Variants in DDX19A observed in about 807,000 individuals in gnomAD.
The protein encoded by DDX19A is ATP-dependent RNA helicase DDX19A.
Under a neutral mutation model 60.6 loss-of-function variants are expected in DDX19A, and 12 were observed. That is an observed-to-expected ratio of 0.20 (90% CI 0.13 to 0.32). DDX19A has a LOEUF of 0.32. DDX19A is among the 10% of genes least tolerant of loss of function. The pLI is 1.00. For missense variants in DDX19A, 337 were observed against 600.6 expected (o/e 0.56, Z 4.59); for synonymous variants, 206 against 218.2 (o/e 0.94, Z 0.49).
At chr16:70,370,097 C>T in intron 9 of DDX19A, 126 bp from the exon 10 acceptor site, 2 of 1,347,614 alleles carry the variant, frequency 1.5e-6, no homozygotes, top group Non-Finnish European at 2.0e-6. Context: ...TTTGGGAAGC[C>T]AAGGCAGGAT....
chr16:70,348,127 G>A (rs1038441371), intron 1 of DDX19A: 2 of 275,898 alleles, frequency 7.2e-6, no homozygotes, highest in Non-Finnish European at 1.5e-5. Context: ...ATAGCCCCGA[G>A]ATAGAGGGCC....
intron 5 of DDX19A, chr16:70,364,334 C>G: frequency 1.8e-6 from 1 of 544,946 alleles, no homozygotes; most frequent in Non-Finnish European, 3.3e-6. Context: ...GGTGTGAGCC[C>G]ATTTAAAATA....
At chr16:70,365,171 G>C in intron 7 of DDX19A, 40 bp downstream of exon 7, 1 of 1,423,514 alleles carries the variant, frequency 7.0e-7, no homozygotes, top group South Asian at 1.2e-5. Context: ...GAGCAGGGTA[G>C]GGGGTTGGGC....
At position 70,370,399 on chromosome 16, in the gene DDX19A, G is replaced by A. The variant is rs370992071; in HGVS notation, c.1183+14G>A. On this transcript the variant is annotated intron_variant, in intron 10 of 11. Transcript: ENST00000302243. Reference sequence around the variant, plus strand: ...TGTGTGCCCGCGGTGAGCAGAGGACGTGTCCCACCTGGTCTGCCAGGCTCG... The same window carrying A: ...TGTGTGCCCGCGGTGAGCAGAGGACATGTCCCACCTGGTCTGCCAGGCTCG... 3.7e-5 allele frequency: 60 copies of A among 1,607,014 alleles called. No homozygotes were observed. The highest frequency in any genetic ancestry group is 2.4e-4 in the African/African-American group (18 of 74,506).
At chr16:70,349,566 C>G (rs944816896) in intron 1 of DDX19A, among the ~76,000 whole-genome samples, 1 of 152,122 alleles carries the variant, frequency 6.6e-6, no homozygotes, top group African/African-American at 2.4e-5. Context: ...TCTCTTCTGC[C>G]CGGTAGCCAT....
At chr16:70,360,956 T>G (rs1964346702) in intron 4 of DDX19A, 1 of 177,900 alleles carries the variant, frequency 5.6e-6, no homozygotes, top group East Asian at 1.8e-4. Flanking sequence ...TTGCCCAGGC[T>G]GTTCTCGAAC....
intron 5 of DDX19A, among the ~76,000 whole-genome samples, chr16:70,362,945 CAG>C (rs1257013935): frequency 6.7e-6 from 1 of 149,552 alleles, no homozygotes; most frequent in Admixed American, 6.7e-5. Flanking sequence ...ACCCAGGAAA[CAG>C]AGGTTGCAAT....
intron 4 of DDX19A, 31 bp downstream of exon 4, chr16:70,356,278 G>A (rs746295754): frequency 9.9e-6 from 16 of 1,612,244 alleles, no homozygotes; most frequent in East Asian, 4.5e-5. Context: ...ACAGCTCTTC[G>A]TTGCCAGTCT....
At chr16:70,350,514 T>C (rs1963978186) in intron 1 of DDX19A, 43 bp from the exon 2 acceptor site, 1 of 1,502,836 alleles carries the variant, frequency 6.7e-7, no homozygotes, top group African/African-American at 1.4e-5. Context: ...CTTCCTTTTA[T>C]TGGGTCCTTT....
chr16:70,362,447 A>G (rs1223852209), intron 5 of DDX19A, among the ~76,000 whole-genome samples: 1 of 152,100 alleles, frequency 6.6e-6, no homozygotes, highest in Non-Finnish European at 1.5e-5. Context: ...AATTTTTGAG[A>G]CCTACACAAA....
intron 2 of DDX19A, among the ~76,000 whole-genome samples, chr16:70,352,067 A>G (rs1428636296): frequency 2.0e-5 from 3 of 152,092 alleles, no homozygotes; most frequent in African/African-American, 7.2e-5. Flanking sequence ...GCCACACACA[A>G]TTCAGCTCAT....
chr16:70,371,393 C>G lies in DDX19A; in HGVS notation c.1205C>G (p.Ser402Cys), dbSNP rs1964683378. Reference sequence around the variant, plus strand: ...GCAGGCATTGATGTTGAACAAGTGTCTGTCGTCATCAACTTTGATCTTCCC... The same window carrying G: ...GCAGGCATTGATGTTGAACAAGTGTGTGTCGTCATCAACTTTGATCTTCCC... ...CARGIDVEQV[S>C]VVINFDLPVD... Residue 402 changes from serine (S) to cysteine (C), a missense_variant, in exon 11 of 12, where the codon TCT (serine) becomes TGT (cysteine). Physicochemically the swap from Ser to Cys is moderately radical, Grantham distance 112. This residue lies in a region of DDX19A where 117 missense variants were observed against 274.3 expected (regional missense o/e 0.43). Coordinates refer to ENST00000302243, the MANE Select transcript of DDX19A (RefSeq NM_018332.5). 1 of 1,613,360 alleles carries G rather than the reference C, an allele frequency of 6.2e-7. No homozygotes were observed. Among genetic ancestry groups the G allele is most frequent in the Non-Finnish European group, 8.5e-7 (1 of 1,179,764 alleles).
rs1320736707 is a variant in DDX19A at position 70,373,175 on chromosome 16, G to A, written c.*1189G>A. ...CGCTTGAGCCTGGGTAGAGGCTGCT[G>A]TGAGCTGAAATGGCGCCACTGCACT... On this transcript the variant is annotated 3_prime_UTR_variant, in exon 12 of 12. Coordinates refer to ENST00000302243, the MANE Select transcript of DDX19A (RefSeq NM_018332.5). 6.6e-6 allele frequency: 1 copy of A among 152,238 alleles called. No homozygotes were observed. The highest frequency in any genetic ancestry group is 1.5e-5 in the Non-Finnish European group (1 of 68,070). The allele number at this position is 152,238 out of a possible 1,614,324, so 9.4% of individuals were successfully genotyped here. A position where few individuals can be genotyped will look rare whatever the true frequency, so the allele number is the denominator to read the frequency against.
At chr16:70,350,334 T>C (rs751783204) in intron 1 of DDX19A, among the ~76,000 whole-genome samples, 25 of 152,138 alleles carry the variant, frequency 1.6e-4, no homozygotes, top group Admixed American at 9.8e-4. Context: ...CCAACCATTA[T>C]ATTTAGTCCA....
intron 2 of DDX19A, among the ~76,000 whole-genome samples, chr16:70,352,882 C>T (rs1216843232): frequency 6.6e-6 from 1 of 151,978 alleles, no homozygotes; most frequent in Non-Finnish European, 1.5e-5. Context: ...AGGTGATCCG[C>T]CCACCTCAGC....
rs1039694824 is a variant in DDX19A at position 70,359,260 on chromosome 16, T to G, written c.294-2158T>G. On this transcript the variant is annotated intron_variant, in intron 4 of 11. Coordinates refer to ENST00000302243, the MANE Select transcript of DDX19A (RefSeq NM_018332.5). ...TCCCAATTAAGGTAGTGACTTTGTT[T>G]CCTTGGCAACCAAGTCAGAAGCTGC... Among the ~76,000 whole-genome samples the G allele has an allele frequency of 5.3e-5, 8 of 152,224 alleles. No individual in the cohort carries two copies. In the East Asian group the frequency reaches 1.5e-3, roughly 29 times the overall value.
chr16:70,365,900 A>G (rs1023440979), intron 7 of DDX19A, 185 bp from the exon 8 acceptor site: 1 of 788,472 alleles, frequency 1.3e-6, no homozygotes, highest in East Asian at 2.7e-5. Context: ...ACCACAGTGC[A>G]CTGAGATAGG....
chr16:70,369,173 GTTTTTTTTTTTTTT>G (rs560443179), intron 9 of DDX19A, among the ~76,000 whole-genome samples: 6 of 96,342 alleles, frequency 6.2e-5, no homozygotes, highest in Admixed American at 4.6e-4. Flanking sequence ...GGCCAATCTG[GTTTTTTTTTTTTTT>G]TTTTTTTTTT....
chr16:70,356,938 GT>G (rs746090230), intron 4 of DDX19A: 2,100 of 438,398 alleles, frequency 4.8e-3, no homozygotes, highest in South Asian at 8.8e-3. Context: ...TGTGCTATTT[GT>G]TTTTTTTTTA....
Sources: gnomAD v4.1 joint callset for allele counts (sites outside exome capture counted in the v4.1 genomes callset) on GRCh38, gnomAD v4.1.1 for gene constraint, gnomAD v4.1.1 regional missense constraint, MANE v1.5 for transcripts, NCBI Gene and HGNC (gene_info 2026-07-23, HGNC 2026-07-21) for gene names.